USP43: variants seen among roughly 807,000 people sequenced by gnomAD.
The protein encoded by USP43 is ubiquitin specific peptidase 43.
In USP43, 33 loss-of-function variants were observed where a neutral mutation model predicts 90.7. The ratio of observed to expected loss-of-function variants is 0.36; its 90% CI spans 0.28 to 0.49. USP43 has a LOEUF of 0.49. Among genes scored for constraint, USP43 ranks in the 20% least tolerant of loss-of-function variants. The pLI, the probability that USP43 is intolerant of heterozygous loss-of-function variation, is 0.98. For missense variants in USP43, 1,274 were observed against 1,476.4 expected (o/e 0.86, Z 2.25); for synonymous variants, 598 against 615.8 (o/e 0.97, Z 0.43).
chr17:9,656,650 TG>T (rs1165548473), intron 2 of USP43, 116 bp downstream of exon 2: 1 of 1,298,726 alleles, frequency 7.7e-7, no homozygotes, highest in Non-Finnish European at 1.0e-6. Flanking sequence ...CTATATAGTC[TG>T]GCTACTATAT....
Position 9,709,866 on chromosome 17 carries a change from A to G in USP43, c.2012-90A>G. 1 of 1,304,392 alleles carries G rather than the reference A, an allele frequency of 7.7e-7. No homozygotes were observed. Among genetic ancestry groups the G allele is most frequent in the Non-Finnish European group, 9.9e-7 (1 of 1,011,848 alleles). The allele number at this position is 1,304,392 out of a possible 1,614,324, so 80.8% of individuals were successfully genotyped here. On this transcript the variant is annotated intron_variant, in intron 12 of 14. Transcript: ENST00000285199. This position sits in a 1 kb window ranked among gnomAD's most constrained non-coding sequence, Gnocchi z 5.0. ...CTGTTTTTTTCTCATTCTGGTTTAA[A>G]CATACCGCTTTTTCAGCTATGCCAG...
intron 14 of USP43, 83 bp downstream of exon 14, chr17:9,712,215 C>T (rs1161049920): frequency 1.4e-5 from 20 of 1,408,694 alleles, no homozygotes; most frequent in Admixed American, 2.7e-5. Context: ...GCTGTCACTT[C>T]GTAGTCTTGA....
At chr17:9,659,661 T>G (rs1912515181) in intron 2 of USP43, among the ~76,000 whole-genome samples, 1 of 152,164 alleles carries the variant, frequency 6.6e-6, no homozygotes, top group Non-Finnish European at 1.5e-5. Context: ...ATAGATAGCC[T>G]TTCCATTTTC....
intron 12 of USP43, among the ~76,000 whole-genome samples, chr17:9,707,230 A>T (rs1010595779): frequency 6.6e-6 from 1 of 152,206 alleles, no homozygotes; most frequent in East Asian, 1.9e-4. Flanking sequence ...GTACGCGCAC[A>T]TGTGTGTTTA....
chr17:9,723,684 A>C (rs1239038797), intron 14 of USP43, among the ~76,000 whole-genome samples: 2 of 150,848 alleles, frequency 1.3e-5, no homozygotes, highest in African/African-American at 4.9e-5. Flanking sequence ...CCCAGGTTCA[A>C]GTGATTTTCC....
At position 9,686,962 on chromosome 17, in the gene USP43, C is replaced by A. The variant is rs1165260451; in HGVS notation, c.1353+53C>A. ...GTGTGCGTGCATGCGCATGTGCATG[C>A]GTGTGTGTGGGTGTGTGTATTGGGA... is the stretch of plus-strand genomic sequence containing the variant. On this transcript the variant is annotated intron_variant, in intron 8 of 14. Transcript: ENST00000285199. The surrounding 1 kb of genome is among the most constrained non-coding windows in gnomAD (Gnocchi z 5.5). The A allele has an allele frequency of 2.0e-6, 3 of 1,523,652 alleles. No individual in the cohort carries two copies. Among genetic ancestry groups the A allele is most frequent in the South Asian group, 1.1e-5 (1 of 88,052 alleles). 94.4% of individuals were successfully genotyped at this position (1,523,652 alleles called of 1,614,324 possible).
At chr17:9,681,484 A>T (rs1417502180) in intron 6 of USP43, among the ~76,000 whole-genome samples, 2,364 of 33,442 alleles carry the variant, frequency 0.071, 229 homozygotes, top group East Asian at 0.4. Flanking sequence ...ATATATATAT[A>T]TATATATATA....
At chr17:9,650,367 T>A (rs1284312675) in intron 1 of USP43, among the ~76,000 whole-genome samples, 7 of 152,186 alleles carry the variant, frequency 4.6e-5, no homozygotes, top group Non-Finnish European at 7.4e-5. Context: ...TGTGAACCTG[T>A]GTAGTCACCA....
intron 14 of USP43, among the ~76,000 whole-genome samples, chr17:9,725,638 C>T (rs1282642089): frequency 2.6e-5 from 4 of 152,280 alleles, no homozygotes; most frequent in East Asian, 1.9e-4. Flanking sequence ...ACTGCCATCT[C>T]GAGAAAGAGG....
chr17:9,727,989 A>G lies in USP43; in HGVS notation c.2371A>G (p.Lys791Glu). 1 of 1,611,106 alleles carries G rather than the reference A, an allele frequency of 6.2e-7. No individual in the cohort carries two copies. Among genetic ancestry groups the G allele is most frequent in the Non-Finnish European group, 8.5e-7 (1 of 1,177,630 alleles). Residue 791 changes from lysine (K) to glutamate (E), a missense_variant, in exon 15 of 15, where the codon AAA becomes GAA. Physicochemically the swap from Lys to Glu is moderately conservative, Grantham distance 56. Around this residue, in one of 6 missense-constraint regions of USP43, gnomAD observed 285 missense variants for 349.6 expected, o/e 0.82. Transcript: ENST00000285199. Reference sequence around the variant, plus strand: ...GCCCAGGCGTTTGGTACGGGGCGTGAAAGGCAGAAGCATTAGCATGAAGGC... The same window carrying G: ...GCCCAGGCGTTTGGTACGGGGCGTGGAAGGCAGAAGCATTAGCATGAAGGC... Reference protein sequence around the residue: ...LEPRRLVRGVKGRSISMKAPT... With the variant: ...LEPRRLVRGVEGRSISMKAPT...
At chr17:9,718,579 A>G (rs370005628) in intron 14 of USP43, among the ~76,000 whole-genome samples, 8,867 of 151,436 alleles carry the variant, frequency 0.059, 441 homozygotes, top group East Asian at 0.21. Flanking sequence ...AGTGGCTCAC[A>G]CCTGTAATCC....
chr17:9,720,145 G>A (rs79589079), intron 14 of USP43, among the ~76,000 whole-genome samples: 5,921 of 151,690 alleles, frequency 0.039, 219 homozygotes, highest in East Asian at 0.21. Context: ...GGCCAATGTG[G>A]TGAAACCCCG....
chr17:9,712,932 A>G (rs1916292464), intron 14 of USP43, among the ~76,000 whole-genome samples: 1 of 152,216 alleles, frequency 6.6e-6, no homozygotes, highest in African/African-American at 2.4e-5. Flanking sequence ...CATACAAACT[A>G]GGGTATTTAG....
chr17:9,665,925 A>C (rs570279157), intron 2 of USP43, among the ~76,000 whole-genome samples: 7 of 152,156 alleles, frequency 4.6e-5, no homozygotes, highest in Non-Finnish European at 8.8e-5. Flanking sequence ...TCTCATCTAG[A>C]GCCTCCGGAG....
intron 6 of USP43, among the ~76,000 whole-genome samples, chr17:9,680,832 G>A (rs1914116311): frequency 6.6e-6 from 1 of 151,604 alleles, no homozygotes. Flanking sequence ...GCAGTACGTG[G>A]TTAAAGTTTT....
chr17:9,681,191 A>AGT, intron 6 of USP43, among the ~76,000 whole-genome samples: 1 of 61,224 alleles, frequency 1.6e-5, no homozygotes, highest in African/African-American at 9.7e-5. Context: ...TATACTATAT[A>AGT]ATATATACTA....
At position 9,701,727 on chromosome 17, in the gene USP43, A is replaced by G; in HGVS notation, c.2011+27A>G. On this transcript the variant is annotated intron_variant, in intron 12 of 14. Coordinates refer to ENST00000285199, the MANE Select transcript of USP43 (RefSeq NM_153210.5). This position sits in a 1 kb window ranked among gnomAD's most constrained non-coding sequence, Gnocchi z 7.2. ...TGAGCCTTGCCTTGCCTTTCTGCAA[A>G]TGCAGCTGTGGCCACAGCCTCGAGA... 6.7e-7 allele frequency: 1 copy of G among 1,495,010 alleles called. No individual in the cohort carries two copies. Among genetic ancestry groups the G allele is most frequent in the Non-Finnish European group, 9.0e-7 (1 of 1,114,912 alleles). The allele number at this position is 1,495,010 out of a possible 1,614,324, so 92.6% of individuals were successfully genotyped here.
chr17:9,697,044 G>A (rs1439450043), intron 9 of USP43, among the ~76,000 whole-genome samples: 4 of 152,244 alleles, frequency 2.6e-5, no homozygotes, highest in Non-Finnish European at 5.9e-5. Flanking sequence ...TGGTGAAACC[G>A]CATTTCTACT....
intron 7 of USP43, among the ~76,000 whole-genome samples, chr17:9,684,051 C>T (rs889645314): frequency 2.6e-5 from 4 of 151,984 alleles, no homozygotes; most frequent in Admixed American, 6.6e-5. Context: ...GCAGGAGAAT[C>T]GCTTGAACCC....
Sources: gnomAD v4.1 joint callset for allele counts (sites outside exome capture counted in the v4.1 genomes callset) on GRCh38, gnomAD v4.1.1 for gene constraint, gnomAD v4.1.1 regional missense constraint, Gnocchi (gnomAD v3.1) non-coding constraint, MANE v1.5 for transcripts, NCBI Gene and HGNC (gene_info 2026-07-23, HGNC 2026-07-21) for gene names.